PTPRN2: variants seen among roughly 807,000 people sequenced by gnomAD.
PTPRN2 encodes protein tyrosine phosphatase receptor type N2, also known as receptor-type tyrosine-protein phosphatase N2.
A neutral mutation model predicts 118.8 loss-of-function variants in PTPRN2; 74 were observed. That is an observed-to-expected ratio of 0.62 (90% CI 0.52 to 0.76). The LOEUF (loss-of-function observed/expected upper bound fraction) is 0.76, where lower values mean the gene tolerates loss of function less well. Ranked by LOEUF, PTPRN2 falls within the 30% of genes least tolerant of loss-of-function variation. The pLI is 0.00. For missense variants in PTPRN2, 1,481 were observed against 1,394.4 expected (o/e 1.06, Z -0.99); for synonymous variants, 641 against 608.0 (o/e 1.05, Z -0.80).
At chr7:158,585,878 G>A (rs1828878429) in intron 1 of PTPRN2, among the ~76,000 whole-genome samples, 2 of 152,178 alleles carry the variant, frequency 1.3e-5, no homozygotes, top group African/African-American at 4.8e-5. Context: ...CTCCCATAAG[G>A]TGACTGGCCA....
intron 3 of PTPRN2, among the ~76,000 whole-genome samples, chr7:158,233,028 G>A (rs868379983): frequency 6.6e-6 from 1 of 152,178 alleles, no homozygotes; most frequent in Non-Finnish European, 1.5e-5. Flanking sequence ...AGACAAGGAT[G>A]TTCACTTTCA....
rs148469839 is a variant in PTPRN2, at chr7:157,860,664, T to A, written c.1788+38009A>T. Among the ~76,000 whole-genome samples, 631 of 152,404 alleles carry A rather than the reference T, an allele frequency of 4.1e-3. 7 individuals are homozygous for A. The highest frequency in any genetic ancestry group is 0.022 in the South Asian group (106 of 4,834). On this transcript the variant is annotated intron_variant, in intron 12 of 22. Coordinates refer to ENST00000389418, the MANE Select transcript of PTPRN2 (RefSeq NM_002847.5). ...TGCCTTTTAATATCTAATCTGGGCC[T>A]TAATATCTCGCTCACTAAACGTGTT...
chr7:158,409,962 G>T lies in PTPRN2; in HGVS notation c.163+79773C>A, dbSNP rs150393024. Among the ~76,000 whole-genome samples, 570 of 152,356 alleles carry T rather than the reference G, an allele frequency of 3.7e-3. 5 individuals are homozygous for T. The highest frequency in any genetic ancestry group is 0.013 in the African/African-American group (542 of 41,576). ...CCAAAGTTTTCTGAAAACTTGAGAA[G>T]ATGGGGTGTGCCCCCACAGCCCCAG... is the stretch of plus-strand genomic sequence containing the variant. On this transcript the variant is annotated intron_variant, in intron 2 of 22. Transcript: ENST00000389418.
chr7:157,920,991 G>C (rs910449141), intron 11 of PTPRN2, among the ~76,000 whole-genome samples: 5 of 152,184 alleles, frequency 3.3e-5, no homozygotes, highest in African/African-American at 1.2e-4. Flanking sequence ...TTGCTAAATA[G>C]AGTTGAAAAC....
chr7:157,797,155 C>T (rs1318923203), intron 12 of PTPRN2, among the ~76,000 whole-genome samples: 1 of 152,194 alleles, frequency 6.6e-6, no homozygotes, highest in South Asian at 2.1e-4. Flanking sequence ...CACTATAAAG[C>T]AAAACCAAAA....
intron 5 of PTPRN2, among the ~76,000 whole-genome samples, chr7:158,180,229 G>A (rs1259722914): frequency 1.3e-5 from 2 of 152,210 alleles, no homozygotes; most frequent in African/African-American, 4.8e-5. Context: ...TTATCAAACA[G>A]GTGTCCTTTC....
chr7:158,451,538 A>G (rs1818096641), intron 2 of PTPRN2, among the ~76,000 whole-genome samples: 1 of 152,196 alleles, frequency 6.6e-6, no homozygotes, highest in Non-Finnish European at 1.5e-5. Context: ...GTCCAGGTTC[A>G]TCTTCTTCTA....
At chr7:157,569,464 T>C (rs552265605) in intron 20 of PTPRN2, among the ~76,000 whole-genome samples, 1 of 152,344 alleles carries the variant, frequency 6.6e-6, no homozygotes, top group African/African-American at 2.4e-5. Context: ...CCACCCCTTC[T>C]AAACGCAGGT....
At chr7:158,312,205 C>CACACACCA (rs1554450981) in intron 3 of PTPRN2, among the ~76,000 whole-genome samples, 10 of 137,068 alleles carry the variant, frequency 7.3e-5, no homozygotes, top group African/African-American at 1.7e-4. Flanking sequence ...CACTCACATG[C>CACACACCA]ACACACACGT....
At chr7:157,597,434 T>C (rs1223763905) in intron 16 of PTPRN2, among the ~76,000 whole-genome samples, 1 of 151,860 alleles carries the variant, frequency 6.6e-6, no homozygotes, top group Admixed American at 6.6e-5. Flanking sequence ...TTGCAAATAG[T>C]AATGCATGAA....
chr7:157,705,822 G>A (rs1464346627), intron 12 of PTPRN2, among the ~76,000 whole-genome samples: 1 of 151,478 alleles, frequency 6.6e-6, no homozygotes, highest in East Asian at 1.9e-4. Context: ...GAATGAATCT[G>A]ACCCAGGTGC....
At chr7:157,566,604 G>C (rs374886981) in intron 21 of PTPRN2, among the ~76,000 whole-genome samples, 4 of 152,230 alleles carry the variant, frequency 2.6e-5, no homozygotes, top group Non-Finnish European at 5.9e-5. Flanking sequence ...CTCAGAAAAG[G>C]CCCCAGGCCA....
At chr7:157,819,448 G>A (rs1806655127) in intron 12 of PTPRN2, among the ~76,000 whole-genome samples, 3 of 152,146 alleles carry the variant, frequency 2.0e-5, no homozygotes. Context: ...AGGAAGAAGC[G>A]CGAGGGCGCC....
In PTPRN2 at chr7:158,051,342, T is replaced by G. The variant is rs113986399; in HGVS notation, c.1723+29956A>C. On this transcript the variant is annotated intron_variant, in intron 11 of 22. Transcript: ENST00000389418. ...GGCTATTATGGGACTGTGGGGACATTAAAGGACAGGAAGCACAGCCCTCCC... is the reference window on the plus strand; with the variant it reads ...GGCTATTATGGGACTGTGGGGACATGAAAGGACAGGAAGCACAGCCCTCCC... Among the ~76,000 whole-genome samples, 164 of 152,256 alleles carry G rather than the reference T, an allele frequency of 1.1e-3. 1 individual carries two copies. Among genetic ancestry groups the G allele is most frequent in the African/African-American group, 3.8e-3 (159 of 41,542 alleles).
Position 158,152,895 on chromosome 7 carries a change from C to T in PTPRN2, c.910+14036G>A, listed in dbSNP as rs140397517. On this transcript the variant is annotated intron_variant, in intron 6 of 22. Coordinates refer to ENST00000389418, the MANE Select transcript of PTPRN2 (RefSeq NM_002847.5). ...AGTGGGACAAGAGCAGACCAACAGA[C>T]ACCAGCACGCCAGCAGGCCACCGAC... Among the ~76,000 whole-genome samples the T allele has an allele frequency of 2.4e-3, 313 of 130,782 alleles. 15 individuals are homozygous for T. In the East Asian group the frequency reaches 0.03, roughly 13 times the overall value. The allele number at this position is 130,782 out of a possible 152,430, so 85.8% of individuals were successfully genotyped here.
At chr7:157,834,705 G>A (rs934598304) in intron 12 of PTPRN2, among the ~76,000 whole-genome samples, 1 of 152,264 alleles carries the variant, frequency 6.6e-6, no homozygotes, top group African/African-American at 2.4e-5. Context: ...AAGCCACGGG[G>A]CTGCGGGCCC....
At chr7:158,281,098 G>T (rs554777340) in intron 3 of PTPRN2, among the ~76,000 whole-genome samples, 1 of 152,202 alleles carries the variant, frequency 6.6e-6, no homozygotes, top group Non-Finnish European at 1.5e-5. Flanking sequence ...GAGATCAGGA[G>T]TTCAAGACCA....
intron 11 of PTPRN2, among the ~76,000 whole-genome samples, chr7:158,009,288 G>A (rs1203201008): frequency 3.3e-5 from 5 of 152,076 alleles, no homozygotes; most frequent in African/African-American, 4.8e-5. Context: ...TCTGAGGCAC[G>A]ATTATACACA....
At chr7:158,463,324 T>C (rs1037503570) in intron 2 of PTPRN2, among the ~76,000 whole-genome samples, 20 of 152,036 alleles carry the variant, frequency 1.3e-4, no homozygotes, top group Non-Finnish European at 2.6e-4. Flanking sequence ...ATTACTATCA[T>C]CACCATCACC....
Sources: allele counts gnomAD v4.1 joint callset (sites outside exome capture counted in the v4.1 genomes callset), GRCh38; gene constraint gnomAD v4.1.1; transcripts MANE v1.5; gene names NCBI Gene and HGNC (gene_info 2026-07-23, HGNC 2026-07-21).